The following KCNIP4 variants were observed in gnomAD, a reference collection of about 807,000 sequenced individuals.
The protein encoded by KCNIP4 is potassium voltage-gated channel interacting protein 4, also known as Kv channel-interacting protein 4.
KCNIP4 carries 12 observed loss-of-function variants against 34.0 expected under a neutral mutation model. That is an observed-to-expected ratio of 0.35 (90% confidence interval 0.23 to 0.57). The LOEUF is 0.57. Ranked by LOEUF, KCNIP4 falls within the 20% of genes least tolerant of loss-of-function variation. The pLI is 0.83. For missense variants in KCNIP4, 238 were observed against 311.7 expected, an observed-to-expected ratio of 0.76 and a Z score of 1.78; for synonymous variants, 124 against 102.2, an observed-to-expected ratio of 1.21 and a Z score of -1.29.
At chr4:21,780,863 C>T (rs1217073770) in intron 1 of KCNIP4, among the ~76,000 whole-genome samples, 1 of 152,096 alleles carries the variant, frequency 6.6e-6, no homozygotes, top group East Asian at 1.9e-4. Context: ...GGGGAGAATC[C>T]TTCCTTTCCT....
chr4:21,182,466 T>G (rs1754911729), intron 1 of KCNIP4, among the ~76,000 whole-genome samples: 1 of 151,920 alleles, frequency 6.6e-6, no homozygotes, highest in Admixed American at 6.6e-5. Flanking sequence ...TTTCCTTTCC[T>G]TTCCTTCTAA....
rs1450249422 is a variant in KCNIP4, at chr4:21,868,192, T to C, written c.61+80379A>G. Among the ~76,000 whole-genome samples, 4 of 152,186 alleles carry C rather than the reference T, an allele frequency of 2.6e-5. No individual in the cohort carries two copies. The East Asian group carries it at 7.7e-4, about 29-fold the overall frequency. Reference sequence around the variant, plus strand: ...GCCAACATCAGAACACATTCATTCCTGACCACCATTGACAAAATAGCATAG... The same window carrying C: ...GCCAACATCAGAACACATTCATTCCCGACCACCATTGACAAAATAGCATAG... On this transcript the variant is annotated intron_variant, in intron 1 of 8. Transcript: ENST00000382152.
intron 1 of KCNIP4, among the ~76,000 whole-genome samples, chr4:21,904,975 T>C (rs945098631): frequency 6.6e-6 from 1 of 152,118 alleles, no homozygotes; most frequent in Non-Finnish European, 1.5e-5. Context: ...TTTCAATAGA[T>C]GTTAGTGATT....
rs1478096172 is a variant in KCNIP4, at chr4:21,798,506, C to A, written c.61+150065G>T. Among the ~76,000 whole-genome samples, 3 of 74,450 alleles carry A rather than the reference C, an allele frequency of 4.0e-5. No individual in the cohort carries two copies. In the East Asian group the frequency reaches 1.3e-3, roughly 31 times the overall value. The allele number at this position is 74,450 out of a possible 152,430, so 48.8% of individuals were successfully genotyped here. A position where few individuals can be genotyped will look rare whatever the true frequency, so the allele number is the denominator to read the frequency against. The stretch of plus-strand genomic sequence containing the variant: ...CTCCAGCCTGGGTGAGAAAGCAAGA[C>A]CCTGGGAAAAAAAAAAAAAAAAAAA... On this transcript the variant is annotated intron_variant, in intron 1 of 8. Coordinates refer to ENST00000382152, the MANE Select transcript of KCNIP4 (RefSeq NM_025221.6).
intron 1 of KCNIP4, among the ~76,000 whole-genome samples, chr4:21,821,391 T>G (rs145557600): frequency 2.4e-3 from 360 of 152,244 alleles, no homozygotes; most frequent in African/African-American, 8.3e-3. Context: ...CACCATATAT[T>G]CAAGAGGATA....
At chr4:21,348,057 C>T (rs1242706103) in intron 1 of KCNIP4, among the ~76,000 whole-genome samples, 7 of 152,140 alleles carry the variant, frequency 4.6e-5, no homozygotes, top group Admixed American at 3.9e-4. Flanking sequence ...TGCTTTCATC[C>T]ACACATAAAG....
At chr4:21,638,406 AT>A (rs1187512114) in intron 1 of KCNIP4, among the ~76,000 whole-genome samples, 1 of 152,110 alleles carries the variant, frequency 6.6e-6, no homozygotes, top group African/African-American at 2.4e-5. Context: ...TGTCAGGTCT[AT>A]TTTTGGGGGT....
chr4:21,464,001 A>C (rs1729699139), intron 1 of KCNIP4, among the ~76,000 whole-genome samples: 1 of 152,052 alleles, frequency 6.6e-6, no homozygotes, highest in Non-Finnish European at 1.5e-5. Context: ...GTTGGCACAC[A>C]AATGTTCACA....
intron 1 of KCNIP4, among the ~76,000 whole-genome samples, chr4:21,166,896 G>A (rs1200582632): frequency 1.7e-5 from 2 of 121,106 alleles, no homozygotes; most frequent in South Asian, 2.7e-4. Flanking sequence ...CTGAGATCAC[G>A]CCATTGCACT....
chr4:21,439,601 T>G (rs573556363), intron 1 of KCNIP4, among the ~76,000 whole-genome samples: 2 of 152,358 alleles, frequency 1.3e-5, no homozygotes, highest in East Asian at 3.9e-4. Flanking sequence ...AACAGGAGTC[T>G]GCTAATGGCT....
intron 3 of KCNIP4, among the ~76,000 whole-genome samples, chr4:20,830,154 TCATTA>T (rs1434829261): frequency 1.3e-5 from 2 of 152,208 alleles, no homozygotes; most frequent in African/African-American, 4.8e-5. Context: ...CATGGCATCC[TCATTA>T]CATGAGTCAG....
intron 1 of KCNIP4, among the ~76,000 whole-genome samples, chr4:21,319,123 A>G (rs1056071824): frequency 6.6e-6 from 1 of 152,212 alleles, no homozygotes; most frequent in Non-Finnish European, 1.5e-5. Context: ...CCTGGCACTT[A>G]GGGCCTGCTC....
intron 4 of KCNIP4, chr4:20,752,997 C>T (rs1234157070): frequency 2.0e-5 from 3 of 152,162 alleles, no homozygotes; most frequent in Non-Finnish European, 4.4e-5. Context: ...TTCGTGATCA[C>T]ATTCCTTTAC....
At chr4:21,346,191 A>G (rs1560311332) in intron 1 of KCNIP4, among the ~76,000 whole-genome samples, 1 of 89,672 alleles carries the variant, frequency 1.1e-5, no homozygotes, top group Non-Finnish European at 2.1e-5. Context: ...TATTATATAT[A>G]TAGAATTATA....
intron 1 of KCNIP4, among the ~76,000 whole-genome samples, chr4:21,497,547 TA>T (rs996732773): frequency 4.6e-5 from 7 of 152,242 alleles, no homozygotes; most frequent in Admixed American, 2.6e-4. Flanking sequence ...AAACAGTTTT[TA>T]AACCTGTATT....
intron 1 of KCNIP4, among the ~76,000 whole-genome samples, chr4:21,247,764 C>CA (rs1560212682): frequency 4.5e-5 from 3 of 66,374 alleles, no homozygotes; most frequent in African/African-American, 2.1e-4. Flanking sequence ...ATATATACAC[C>CA]CCACAGGTGT....
At chr4:21,714,079 T>C (rs1713956035) in intron 1 of KCNIP4, among the ~76,000 whole-genome samples, 1 of 152,172 alleles carries the variant, frequency 6.6e-6, no homozygotes, top group Non-Finnish European at 1.5e-5. Context: ...CCTGGAAACC[T>C]AAGGAATAAG....
At chr4:21,320,108 T>C (rs1015821115) in intron 1 of KCNIP4, among the ~76,000 whole-genome samples, 6 of 152,228 alleles carry the variant, frequency 3.9e-5, no homozygotes, top group Non-Finnish European at 7.3e-5. Context: ...GTTAACCTTA[T>C]TGAAATTGTA....
chr4:21,540,550 T>C lies in KCNIP4; in HGVS notation c.61+408021A>G, dbSNP rs747322524. Among the ~76,000 whole-genome samples the C allele has an allele frequency of 2.2e-3, 330 of 152,298 alleles. 2 individuals carry two copies. The highest frequency in any genetic ancestry group is 6.8e-3 in the Middle Eastern group (2 of 294). ...GGATTCACCAATTCAGTGTTCAAGA[T>C]GACTTTATAAAATATAACTACCCTA... On this transcript the variant is annotated intron_variant, in intron 1 of 8. Transcript: ENST00000382152.
Sources: allele counts gnomAD v4.1 joint callset (sites outside exome capture counted in the v4.1 genomes callset), GRCh38; gene constraint gnomAD v4.1.1; transcripts MANE v1.5; gene names NCBI Gene and HGNC (gene_info 2026-07-23, HGNC 2026-07-21).